SH3PXD2A: variants seen among roughly 807,000 people sequenced by gnomAD.
The protein encoded by SH3PXD2A is SH3 and PX domain-containing protein 2A.
In SH3PXD2A, 32 loss-of-function variants were observed where a neutral mutation model predicts 115.2. That is an observed-to-expected ratio of 0.28 (90% CI 0.21 to 0.37). The LOEUF (loss-of-function observed/expected upper bound fraction) is 0.37, where lower values mean the gene tolerates loss of function less well. SH3PXD2A is among the 10% of genes least tolerant of loss of function. The pLI is 1.00. For missense variants in SH3PXD2A, 1,328 were observed against 1,498.7 expected, an observed-to-expected ratio of 0.89 and a Z score of 1.88; for synonymous variants, 610 against 629.1, an observed-to-expected ratio of 0.97 and a Z score of 0.45.
intron 4 of SH3PXD2A, among the ~76,000 whole-genome samples, chr10:103,728,322 ACT>A (rs2038268039): frequency 6.6e-6 from 1 of 152,170 alleles, no homozygotes; most frequent in Non-Finnish European, 1.5e-5. Flanking sequence ...TGAAGAGTAC[ACT>A]CAGTAAATGT....
In SH3PXD2A at chr10:103,665,411, G is replaced by A. The variant is rs1322595904; in HGVS notation, c.472+3197C>T. Among the ~76,000 whole-genome samples the A allele has an allele frequency of 6.6e-6, 1 of 152,116 alleles. No individual in the cohort carries two copies. The highest frequency in any genetic ancestry group is 2.4e-5 in the African/African-American group (1 of 41,398). ...GGAAAATTGGCCTGACCTTCCTGAA[G>A]GCTGACTCTCTGGGACACAGGTAGA... On this transcript the variant is annotated intron_variant, in intron 7 of 14. Coordinates refer to ENST00000369774, the MANE Select transcript of SH3PXD2A (RefSeq NM_001394015.1). This position sits in a 1 kb window ranked among gnomAD's most constrained non-coding sequence, Gnocchi z 4.0.
chr10:103,671,219 GT>G (rs1357789121), intron 6 of SH3PXD2A, among the ~76,000 whole-genome samples: 1 of 152,208 alleles, frequency 6.6e-6, no homozygotes, highest in Non-Finnish European at 1.5e-5. Context: ...AATAAACACT[GT>G]AGGCTTTGGG....
At chr10:103,719,834 C>T (rs1589428236) in intron 5 of SH3PXD2A, among the ~76,000 whole-genome samples, 2 of 146,636 alleles carry the variant, frequency 1.4e-5, no homozygotes, top group East Asian at 4.0e-4. Context: ...ATTCTCCTGT[C>T]TCAGCCTCCC....
chr10:103,617,066 A>G, intron 11 of SH3PXD2A, 131 bp downstream of exon 11: 1 of 688,484 alleles, frequency 1.5e-6, no homozygotes, highest in Non-Finnish European at 2.6e-6. Flanking sequence ...GAGGTGCAGC[A>G]GCCCAGCCCT....
In SH3PXD2A at chr10:103,600,177, CA is replaced by C. The variant is rs1311122281; in HGVS notation, c.*1638del. ...CTGTGAGGCCCAATCTGTCCGAAAT[CA>C]AAGGCACGTGTGGAAATCCACTCCC... On this transcript the variant is annotated 3_prime_UTR_variant, in exon 15 of 15. Transcript: ENST00000369774. The C allele has an allele frequency of 6.5e-6, 1 of 152,718 alleles. No individual in the cohort carries two copies. The highest frequency in any genetic ancestry group is 1.5e-5 in the Non-Finnish European group (1 of 68,112). 9.5% of individuals were successfully genotyped at this position (152,718 alleles called of 1,614,324 possible).
intron 4 of SH3PXD2A, among the ~76,000 whole-genome samples, chr10:103,731,748 G>A (rs1038215115): frequency 2.6e-5 from 4 of 152,156 alleles, no homozygotes; most frequent in East Asian, 1.9e-4. Context: ...TGGCTGTGGT[G>A]GAAAATCCCA....
chr10:103,718,441 G>T (rs894300513), intron 5 of SH3PXD2A, among the ~76,000 whole-genome samples: 13 of 152,048 alleles, frequency 8.5e-5, no homozygotes, highest in South Asian at 4.1e-4. Context: ...AGCTTCTCTT[G>T]CCCACCCCTG....
At chr10:103,843,619 C>A (rs1842806891) in intron 1 of SH3PXD2A, among the ~76,000 whole-genome samples, 1 of 152,218 alleles carries the variant, frequency 6.6e-6, no homozygotes, top group African/African-American at 2.4e-5. Flanking sequence ...CCGCTCCAAC[C>A]ACATCATGTT....
chr10:103,697,385 T>C (rs1463164938), intron 5 of SH3PXD2A, among the ~76,000 whole-genome samples: 2 of 152,212 alleles, frequency 1.3e-5, no homozygotes, highest in African/African-American at 4.8e-5. Context: ...AAGACCTGTT[T>C]AAACCTGGGT....
rs754861600 is a variant in SH3PXD2A, at chr10:103,855,253, C to G, written c.14G>C (p.Cys5Ser). Residue 5 changes from cysteine to serine, a missense_variant, in exon 1 of 15, where the codon TGC becomes TCC. By Grantham distance (112) the Cys-to-Ser change is moderately radical. This residue lies in a region of SH3PXD2A where 110 missense variants were observed against 160.0 expected (regional missense o/e 0.69). Transcript: ENST00000369774. ...GTCCACCACGGTGGCATCCTGCACG[C>G]AGTAGGCGAGCATCTTCCCCCACAA... MLAY[C>S]VQDATVVDVE... 1 of 1,526,138 alleles carries G rather than the reference C, an allele frequency of 6.6e-7. No individual in the cohort carries two copies. Among genetic ancestry groups the G allele is most frequent in the Non-Finnish European group, 8.8e-7 (1 of 1,134,678 alleles). The allele number at this position is 1,526,138 out of a possible 1,614,324, so 94.5% of individuals were successfully genotyped here. A position where few individuals can be genotyped will look rare whatever the true frequency, so the allele number is the denominator to read the frequency against.
chr10:103,718,798 C>T lies in SH3PXD2A; in HGVS notation c.398+5472G>A, dbSNP rs182557563. ...ACACACACACACACACACACACACA[C>T]GCACATACACCCCTATTCAACTGCT... On this transcript the variant is annotated intron_variant, in intron 5 of 14. Transcript: ENST00000369774. 4.9e-4 allele frequency among the ~76,000 whole-genome samples: 74 copies of T among 151,006 alleles called. No individual in the cohort carries two copies. The East Asian group carries it at 0.012, about 25-fold the overall frequency.
intron 13 of SH3PXD2A, among the ~76,000 whole-genome samples, chr10:103,608,028 G>C (rs1201444332): frequency 6.6e-6 from 1 of 151,588 alleles, no homozygotes; most frequent in African/African-American, 2.4e-5. Flanking sequence ...AGGCCTCGGG[G>C]TCCTCTGCCT....
chr10:103,688,551 T>G (rs1356636027), intron 6 of SH3PXD2A, among the ~76,000 whole-genome samples: 1 of 152,082 alleles, frequency 6.6e-6, no homozygotes, highest in Non-Finnish European at 1.5e-5. Flanking sequence ...GCAGAAATCT[T>G]AAGGAGCCAG....
chr10:103,842,652 C>T (rs965412559), intron 1 of SH3PXD2A, among the ~76,000 whole-genome samples: 9 of 152,194 alleles, frequency 5.9e-5, no homozygotes, highest in African/African-American at 1.9e-4. Flanking sequence ...TTCGTCTTTC[C>T]GTCTTTCCGC....
intron 3 of SH3PXD2A, among the ~76,000 whole-genome samples, chr10:103,762,409 T>C (rs2038710063): frequency 6.6e-6 from 1 of 152,198 alleles, no homozygotes; most frequent in Non-Finnish European, 1.5e-5. Context: ...AAAGGAAGGC[T>C]GCAAAGGCCA....
intron 6 of SH3PXD2A, among the ~76,000 whole-genome samples, chr10:103,670,015 AG>A (rs1389091523): frequency 1.3e-5 from 2 of 152,236 alleles, no homozygotes; most frequent in Non-Finnish European, 2.9e-5. Context: ...AAGATCACAC[AG>A]CTAGTACAGC....
intron 7 of SH3PXD2A, among the ~76,000 whole-genome samples, chr10:103,667,008 C>T (rs2037391609): frequency 6.6e-6 from 1 of 152,246 alleles, no homozygotes; most frequent in African/African-American, 2.4e-5. Flanking sequence ...TGGGCCTACT[C>T]TGGGGGGATG....
chr10:103,733,505 C>T (rs2038347211), intron 4 of SH3PXD2A, among the ~76,000 whole-genome samples: 1 of 152,188 alleles, frequency 6.6e-6, no homozygotes, highest in Admixed American at 6.5e-5. Context: ...CAGGCTACAG[C>T]CATCAATTTA....
At chr10:103,748,089 C>A (rs564061918) in intron 3 of SH3PXD2A, among the ~76,000 whole-genome samples, 1 of 152,298 alleles carries the variant, frequency 6.6e-6, no homozygotes, top group East Asian at 1.9e-4. Context: ...ATTAAGAGGA[C>A]GTAACATTCA....
Sources: gnomAD v4.1 joint callset for allele counts (sites outside exome capture counted in the v4.1 genomes callset) on GRCh38, gnomAD v4.1.1 for gene constraint, gnomAD v4.1.1 regional missense constraint, Gnocchi (gnomAD v3.1) non-coding constraint, MANE v1.5 for transcripts, NCBI Gene and HGNC (gene_info 2026-07-23, HGNC 2026-07-21) for gene names.